Variants in COG5 observed in about 807,000 individuals in gnomAD.
COG5 encodes conserved oligomeric Golgi complex subunit 5.
In COG5, 86 loss-of-function variants were observed where a neutral mutation model predicts 110.4. The ratio of observed to expected loss-of-function variants is 0.78; its 90% CI spans 0.65 to 0.93. COG5 has a LOEUF of 0.93. COG5 is among the 40% of genes least tolerant of loss of function. The probability of loss-of-function intolerance (pLI) is 0.00; values close to 1 mark genes in which losing one functional copy is unlikely to be tolerated. For synonymous variants in COG5, 360 were observed against 334.6 expected (o/e 1.08, Z -0.83); for missense variants, 1,077 against 987.0 (o/e 1.09, Z -1.22).
chr7:107,366,291 A>C (rs1447856941), intron 8 of COG5, among the ~76,000 whole-genome samples: 1 of 152,126 alleles, frequency 6.6e-6, no homozygotes, highest in Non-Finnish European at 1.5e-5. Flanking sequence ...CAAAGTGAAA[A>C]AACTCCAAGC....
At chr7:107,289,691 T>C (rs1242634714) in intron 12 of COG5, among the ~76,000 whole-genome samples, 1 of 152,236 alleles carries the variant, frequency 6.6e-6, no homozygotes, top group Non-Finnish European at 1.5e-5. Flanking sequence ...TTTACAGTTT[T>C]ATGAGTATAA....
intron 12 of COG5, among the ~76,000 whole-genome samples, chr7:107,291,250 TTTTC>T (rs1486432498): frequency 2.6e-5 from 4 of 152,192 alleles, no homozygotes; most frequent in Non-Finnish European, 5.9e-5. Context: ...TTCTTCATTC[TTTTC>T]TTTCTGTTTT....
intron 10 of COG5, among the ~76,000 whole-genome samples, chr7:107,328,072 A>C (rs1348820640): frequency 6.6e-6 from 1 of 152,238 alleles, no homozygotes; most frequent in Non-Finnish European, 1.5e-5. Flanking sequence ...AAGAAAATGT[A>C]GTATATTCAT....
chr7:107,383,353 C>T (rs1490794525), intron 7 of COG5, among the ~76,000 whole-genome samples: 1 of 152,146 alleles, frequency 6.6e-6, no homozygotes. Flanking sequence ...CAGATGACAA[C>T]AGAGGTTAAA....
intron 10 of COG5, among the ~76,000 whole-genome samples, chr7:107,351,803 A>T (rs1812166494): frequency 6.7e-6 from 1 of 150,154 alleles, no homozygotes; most frequent in South Asian, 2.1e-4. Flanking sequence ...TTAAAAAGTC[A>T]GGAAACAACA....
At chr7:107,278,630 T>G (rs376638930) in intron 14 of COG5, among the ~76,000 whole-genome samples, 1 of 152,162 alleles carries the variant, frequency 6.6e-6, no homozygotes, top group African/African-American at 2.4e-5. Context: ...AGAAATAACG[T>G]CACACATCTA....
At chr7:107,560,786 G>A (rs1803711797) in intron 1 of COG5, among the ~76,000 whole-genome samples, 1 of 152,172 alleles carries the variant, frequency 6.6e-6, no homozygotes, top group Non-Finnish European at 1.5e-5. Context: ...AAATAGAAAT[G>A]TCCATACAGG....
intron 6 of COG5, among the ~76,000 whole-genome samples, chr7:107,509,285 G>A (rs1291816444): frequency 6.6e-6 from 1 of 152,204 alleles, no homozygotes; most frequent in Non-Finnish European, 1.5e-5. Flanking sequence ...TCAACTGGAA[G>A]AAAGGGTACC....
chr7:107,446,424 T>A (rs1286134851), intron 6 of COG5, among the ~76,000 whole-genome samples: 1 of 152,180 alleles, frequency 6.6e-6, no homozygotes, highest in Admixed American at 6.5e-5. Context: ...GCACACATAC[T>A]TACGGTAACC....
In COG5 at chr7:107,366,159, A is replaced by G. The variant is rs75798123; in HGVS notation, c.836-3739T>C. On this transcript the variant is annotated intron_variant, in intron 8 of 21. Transcript: ENST00000297135. ...AATACTCACTGGAAAAATATTATAG[A>G]AATAAGGACCATATTAGAAAAAACA... Among the ~76,000 whole-genome samples, 427 of 152,254 alleles carry G rather than the reference A, an allele frequency of 2.8e-3. 27 individuals carry two copies. The East Asian group carries it at 0.078, about 28-fold the overall frequency.
intron 10 of COG5, among the ~76,000 whole-genome samples, chr7:107,328,034 C>T (rs548323044): frequency 2.6e-5 from 4 of 152,188 alleles, no homozygotes; most frequent in Admixed American, 6.5e-5. Flanking sequence ...GATAACAACC[C>T]AAATGTCTAT....
intron 10 of COG5, among the ~76,000 whole-genome samples, chr7:107,360,233 C>CTAGTGGAG (rs1212561987): frequency 2.4e-4 from 37 of 152,310 alleles, no homozygotes; most frequent in African/African-American, 8.7e-4. Flanking sequence ...GTCACCTCTC[C>CTAGTGGAG]ACTAAGAGCT....
intron 7 of COG5, among the ~76,000 whole-genome samples, chr7:107,383,395 T>TG: frequency 6.6e-6 from 1 of 152,304 alleles, no homozygotes; most frequent in South Asian, 2.1e-4. Flanking sequence ...GGCTCATTCC[T>TG]GACAAGCCAA....
intron 7 of COG5, among the ~76,000 whole-genome samples, chr7:107,384,000 C>G (rs1242022005): frequency 6.6e-6 from 1 of 152,180 alleles, no homozygotes; most frequent in Non-Finnish European, 1.5e-5. Context: ...TTTGGCCTCC[C>G]TCTCCCTGTG....
At chr7:107,295,330 G>A (rs1806654436) in intron 12 of COG5, among the ~76,000 whole-genome samples, 2 of 151,326 alleles carry the variant, frequency 1.3e-5, no homozygotes, top group Admixed American at 6.6e-5. Context: ...ACACTATTTA[G>A]ATCTCAGGTC....
intron 5 of COG5, among the ~76,000 whole-genome samples, chr7:107,531,153 T>C (rs1165300258): frequency 1.3e-5 from 2 of 152,212 alleles, no homozygotes; most frequent in African/African-American, 4.8e-5. Flanking sequence ...ATTTGTTGAA[T>C]ATATTGGATC....
chr7:107,552,959 G>T (rs1803029959), intron 3 of COG5, among the ~76,000 whole-genome samples: 1 of 152,128 alleles, frequency 6.6e-6, no homozygotes. Flanking sequence ...GTCCTATATA[G>T]CAATATGGAT....
intron 19 of COG5, among the ~76,000 whole-genome samples, chr7:107,222,943 G>A (rs1800051495): frequency 1.3e-5 from 2 of 152,194 alleles, no homozygotes; most frequent in South Asian, 2.1e-4. Context: ...ACGATTCATA[G>A]CTATGCAGCT....
chr7:107,421,689 G>A (rs777805300), intron 6 of COG5, among the ~76,000 whole-genome samples: 4 of 151,584 alleles, frequency 2.6e-5, no homozygotes, highest in African/African-American at 4.8e-5. Flanking sequence ...ACCTGGGGGC[G>A]GGGGATGGGG....
Sources: allele counts gnomAD v4.1 joint callset (sites outside exome capture counted in the v4.1 genomes callset), GRCh38; gene constraint gnomAD v4.1.1; transcripts MANE v1.5; gene names NCBI Gene and HGNC (gene_info 2026-07-23, HGNC 2026-07-21).